EPB41L1: variants seen among roughly 807,000 people sequenced by gnomAD.
EPB41L1 encodes erythrocyte membrane protein band 4.1 like 1.
A neutral mutation model predicts 97.8 loss-of-function variants in EPB41L1; 29 were observed. The observed-to-expected ratio is 0.30, with a 90% CI of 0.22 to 0.40. The LOEUF (loss-of-function observed/expected upper bound fraction) is 0.40. EPB41L1 is among the 10% of genes least tolerant of loss of function. The probability of loss-of-function intolerance (pLI) is 1.00; values close to 1 mark genes in which losing one functional copy is unlikely to be tolerated. For synonymous variants in EPB41L1, 383 were observed against 459.2 expected, an observed-to-expected ratio of 0.83 and a Z score of 2.12; for missense variants, 812 against 1,162.3, an observed-to-expected ratio of 0.70 and a Z score of 4.38.
chr20:36,096,731 C>T (rs1380052164), intron 1 of EPB41L1, among the ~76,000 whole-genome samples: 3 of 152,218 alleles, frequency 2.0e-5, no homozygotes, highest in Non-Finnish European at 4.4e-5. Context: ...GTTGTTTGTC[C>T]CTTTACTAGA....
intron 1 of EPB41L1, among the ~76,000 whole-genome samples, chr20:36,098,285 A>G (rs951338773): frequency 6.6e-6 from 1 of 152,160 alleles, no homozygotes; most frequent in African/African-American, 2.4e-5. Flanking sequence ...TGAGGGTCCT[A>G]GGTCTGCTAC....
rs771723722 is a variant in EPB41L1, at chr20:36,190,425, A to G, written c.1124+51A>G. ...TGGGGATGGGGCAGAGGCCATGTGT[A>G]TGGAGGGGAGCAGGGGGAGGAGTTA... On this transcript the variant is annotated intron_variant, in intron 10 of 21. Coordinates refer to ENST00000338074, the MANE Select transcript of EPB41L1 (RefSeq NM_012156.2). This position sits in a 1 kb window ranked among gnomAD's most constrained non-coding sequence, Gnocchi z 5.8. 8 of 1,590,942 alleles carry G rather than the reference A, an allele frequency of 5.0e-6. No homozygotes were observed. The Admixed American group carries it at 1.0e-4, about 20-fold the overall frequency.
intron 9 of EPB41L1, among the ~76,000 whole-genome samples, chr20:36,189,481 A>G (rs956162841): frequency 6.6e-6 from 1 of 152,172 alleles, no homozygotes; most frequent in African/African-American, 2.4e-5. Flanking sequence ...AGATCTTTGA[A>G]TAAGTCGAGC....
At chr20:36,222,184 T>C (rs985441479) in intron 20 of EPB41L1, 94 bp from the exon 21 acceptor site, 24 of 1,218,618 alleles carry the variant, frequency 2.0e-5, no homozygotes, top group Non-Finnish European at 2.7e-5. Context: ...GGCCTCAGTT[T>C]TTCCAGCTGT....
At position 36,212,040 on chromosome 20, in the gene EPB41L1, CA is replaced by C. The variant is rs1411515979; in HGVS notation, c.2080-231del. Reference sequence around the variant, plus strand: ...ATAGCCACCATGAGGGTGTGTGGCACAGGGGCGCAGGGCAGGCCTGCCTGGT... The same window carrying C: ...ATAGCCACCATGAGGGTGTGTGGCACGGGGCGCAGGGCAGGCCTGCCTGGT... On this transcript the variant is annotated intron_variant, in intron 15 of 21. Transcript: ENST00000338074. This position sits in a 1 kb window ranked among gnomAD's most constrained non-coding sequence, Gnocchi z 4.8. Among the ~76,000 whole-genome samples, 3 of 152,184 alleles carry C rather than the reference CA, an allele frequency of 2.0e-5. No homozygotes were observed. Among genetic ancestry groups the C allele is most frequent in the African/African-American group, 7.2e-5 (3 of 41,446 alleles).
chr20:36,130,898 C>T (rs1274874398), intron 2 of EPB41L1, among the ~76,000 whole-genome samples: 1 of 151,826 alleles, frequency 6.6e-6, no homozygotes, highest in Non-Finnish European at 1.5e-5. Context: ...TAACCTCTGC[C>T]TCTGGGTTCA....
chr20:36,225,253 T>C (rs2064049189), intron 21 of EPB41L1, among the ~76,000 whole-genome samples: 1 of 152,270 alleles, frequency 6.6e-6, no homozygotes, highest in Non-Finnish European at 1.5e-5. Context: ...ATACAAGTGA[T>C]TGTCATTCCT....
chr20:36,106,224 C>G (rs2058187713), intron 1 of EPB41L1, among the ~76,000 whole-genome samples: 1 of 152,226 alleles, frequency 6.6e-6, no homozygotes, highest in African/African-American at 2.4e-5. Context: ...GCCTGTGCAG[C>G]CCATGCCATG....
At chr20:36,143,611 A>C (rs1265819493) in intron 2 of EPB41L1, among the ~76,000 whole-genome samples, 1 of 152,120 alleles carries the variant, frequency 6.6e-6, no homozygotes, top group Admixed American at 6.5e-5. Flanking sequence ...CCAAGTCTTA[A>C]CCAAGGGGAT....
intron 1 of EPB41L1, among the ~76,000 whole-genome samples, chr20:36,099,187 A>G (rs747235369): frequency 1.3e-5 from 2 of 152,118 alleles, no homozygotes; most frequent in Non-Finnish European, 2.9e-5. Context: ...AAAACAAAAC[A>G]AAACAAAGAA....
chr20:36,220,296 T>G (rs2063708641), intron 19 of EPB41L1, among the ~76,000 whole-genome samples: 1 of 152,226 alleles, frequency 6.6e-6, no homozygotes, highest in Admixed American at 6.5e-5. Context: ...ATTGTGTGTT[T>G]GCTTATTTGT....
intron 1 of EPB41L1, among the ~76,000 whole-genome samples, chr20:36,156,310 G>T (rs951686499): frequency 2.0e-5 from 3 of 152,222 alleles, no homozygotes; most frequent in Non-Finnish European, 2.9e-5. Flanking sequence ...AGAGGGCATT[G>T]TTCCTATTAA....
chr20:36,182,370 C>G (rs765706017), intron 6 of EPB41L1, 23 bp downstream of exon 6: 14 of 1,612,728 alleles, frequency 8.7e-6, no homozygotes, highest in Non-Finnish European at 1.0e-5. Context: ...GAGGGAGAGA[C>G]AGGTGTGCTG....
At chr20:36,162,269 C>T (rs1313907119) in intron 1 of EPB41L1, among the ~76,000 whole-genome samples, 1 of 152,220 alleles carries the variant, frequency 6.6e-6, no homozygotes, top group Non-Finnish European at 1.5e-5. Context: ...ATAAAAAGAT[C>T]CTTTAAGTTG....
In EPB41L1 at chr20:36,093,268, G is replaced by A. The variant is rs1001594209; in HGVS notation, c.-65+1656G>A. On this transcript the variant is annotated intron_variant, in intron 1 of 19. Transcript: ENST00000202028. The surrounding 1 kb of genome is among the most constrained non-coding windows in gnomAD (Gnocchi z 5.4). ...ATGTGTAGCAGTGTGTACACCTCTG[G>A]GTGAGGGCGTGTGCCAGTGGCTTCG... is the stretch of plus-strand genomic sequence containing the variant. Among the ~76,000 whole-genome samples the A allele has an allele frequency of 1.3e-5, 2 of 151,878 alleles. No homozygotes were observed. The highest frequency in any genetic ancestry group is 4.8e-5 in the African/African-American group (2 of 41,346).
chr20:36,164,325 T>G (rs1263576319), intron 1 of EPB41L1, among the ~76,000 whole-genome samples: 1 of 152,220 alleles, frequency 6.6e-6, no homozygotes, highest in Non-Finnish European at 1.5e-5. Flanking sequence ...GTCCTCTGAC[T>G]TCCCAGAAAG....
intron 5 of EPB41L1, among the ~76,000 whole-genome samples, chr20:36,179,788 AG>A: frequency 6.6e-6 from 1 of 152,274 alleles, no homozygotes; most frequent in East Asian, 1.9e-4. Context: ...ACTCTGCAGG[AG>A]GGGGCTCGAG....
At chr20:36,194,163 C>G (rs1409457754) in intron 11 of EPB41L1, 49 bp from the exon 12 acceptor site, 1 of 1,611,578 alleles carries the variant, frequency 6.2e-7, no homozygotes, top group African/African-American at 1.3e-5. Flanking sequence ...TCTGTCTGTT[C>G]TCTGGGAGGG....
At chr20:36,203,373 C>G (rs1292959219) in intron 14 of EPB41L1, among the ~76,000 whole-genome samples, 1 of 152,268 alleles carries the variant, frequency 6.6e-6, no homozygotes, top group African/African-American at 2.4e-5. Context: ...AATTTAATAA[C>G]TCAGACAAAG....
Sources: gnomAD v4.1 joint callset for allele counts (sites outside exome capture counted in the v4.1 genomes callset) on GRCh38, gnomAD v4.1.1 for gene constraint, Gnocchi (gnomAD v3.1) non-coding constraint, MANE v1.5 for transcripts, NCBI Gene and HGNC (gene_info 2026-07-23, HGNC 2026-07-21) for gene names.